DHRS3: variants seen among roughly 807,000 people sequenced by gnomAD.
DHRS3 encodes the protein short-chain dehydrogenase/reductase 3.
DHRS3 carries 14 observed loss-of-function variants against 27.2 expected under a neutral mutation model. The observed-to-expected ratio is 0.52, with a 90% CI of 0.34 to 0.81. The LOEUF is 0.81. DHRS3 is among the 30% of genes least tolerant of loss of function. The pLI is 0.01. For missense variants in DHRS3, 322 were observed against 406.2 expected (o/e 0.79, Z 1.78); for synonymous variants, 165 against 175.9 (o/e 0.94, Z 0.49).
At position 12,617,435 on chromosome 1, in the gene DHRS3, A is replaced by G; in HGVS notation, c.-87T>C. 7.0e-7 allele frequency: 1 copy of G among 1,433,290 alleles called. No individual in the cohort carries two copies. Among genetic ancestry groups the G allele is most frequent in the Non-Finnish European group, 9.4e-7 (1 of 1,062,920 alleles). The allele number at this position is 1,433,290 out of a possible 1,614,324, so 88.8% of individuals were successfully genotyped here. Reference sequence around the variant, plus strand: ...AAAAACACCCCGAACAATAAATAGTAAACCGAATAAGGAGGAGAGAGGCGT... The same window carrying G: ...AAAAACACCCCGAACAATAAATAGTGAACCGAATAAGGAGGAGAGAGGCGT... On this transcript the variant is annotated 5_prime_UTR_variant, in exon 1 of 6. Coordinates refer to ENST00000616661, the MANE Select transcript of DHRS3 (RefSeq NM_004753.7).
intron 5 of DHRS3, 40 bp from the exon 6 acceptor site, chr1:12,568,464 G>T (rs1050620615): frequency 3.8e-6 from 6 of 1,598,858 alleles, no homozygotes; most frequent in Non-Finnish European, 5.1e-6. Context: ...GATGGTTAGT[G>T]GGGCAGGATC....
At position 12,589,840 on chromosome 1, in the gene DHRS3, C is replaced by CATTATTATTATT. The variant is rs150189606; in HGVS notation, c.196-9186_196-9175dup. On this transcript the variant is annotated intron_variant, in intron 1 of 5. Coordinates refer to ENST00000616661, the MANE Select transcript of DHRS3 (RefSeq NM_004753.7). The stretch of plus-strand genomic sequence containing the variant: ...CTCTGTTTTGTAAAAAGCTAGCTGT[C>CATTATTATTATT]ATTATTATTATTATTATTATTATTA... Among the ~76,000 whole-genome samples the CATTATTATTATT allele has an allele frequency of 2.6e-4, 39 of 149,250 alleles. No individual in the cohort carries two copies. In the South Asian group the frequency reaches 2.8e-3, roughly 11 times the overall value.
In DHRS3 at chr1:12,591,845, A is replaced by C. The variant is rs530869469; in HGVS notation, c.196-11179T>G. ...TGCACAGGTACAGTGAGCTGATGCCATGTCCAAGGACTGGACAGAAAGGTG... is the reference window on the plus strand; with the variant it reads ...TGCACAGGTACAGTGAGCTGATGCCCTGTCCAAGGACTGGACAGAAAGGTG... On this transcript the variant is annotated intron_variant, in intron 1 of 5. Coordinates refer to ENST00000616661, the MANE Select transcript of DHRS3 (RefSeq NM_004753.7). This position sits in a 1 kb window ranked among gnomAD's most constrained non-coding sequence, Gnocchi z 4.1. Among the ~76,000 whole-genome samples, 1 of 152,328 alleles carries C rather than the reference A, an allele frequency of 6.6e-6. No homozygotes were observed. The highest frequency in any genetic ancestry group is 1.5e-5 in the Non-Finnish European group (1 of 68,026).
At chr1:12,589,284 AG>A (rs1280799361) in intron 1 of DHRS3, among the ~76,000 whole-genome samples, 4 of 152,172 alleles carry the variant, frequency 2.6e-5, no homozygotes, top group African/African-American at 9.7e-5. Context: ...TGGGCTCTGG[AG>A]CCAGACTGCC....
rs1207954344 is a variant in DHRS3 at position 12,608,695 on chromosome 1, T to C, written c.195+8459A>G. ...CCCCAGTGCAGAAATCTCGACACCA[T>C]GTTTGCTTAAAGAGCAACCTGTTCC... On this transcript the variant is annotated intron_variant, in intron 1 of 5. Transcript: ENST00000616661. The surrounding 1 kb of genome is among the most constrained non-coding windows in gnomAD (Gnocchi z 4.1). Among the ~76,000 whole-genome samples the C allele has an allele frequency of 6.6e-6, 1 of 152,160 alleles. No individual in the cohort carries two copies. Among genetic ancestry groups the C allele is most frequent in the African/African-American group, 2.4e-5 (1 of 41,448 alleles).
At chr1:12,602,551 G>A (rs1646842622) in intron 1 of DHRS3, among the ~76,000 whole-genome samples, 1 of 152,234 alleles carries the variant, frequency 6.6e-6, no homozygotes, top group South Asian at 2.1e-4. Flanking sequence ...GTCCTGCTGA[G>A]CATCTGCTCT....
chr1:12,584,157 A>G (rs1326899906), intron 1 of DHRS3, among the ~76,000 whole-genome samples: 1 of 151,936 alleles, frequency 6.6e-6, no homozygotes, highest in Admixed American at 6.6e-5. Context: ...GGGCCCTAAG[A>G]ATTGCTGGGC....
chr1:12,599,752 C>T (rs1160688228), intron 1 of DHRS3, among the ~76,000 whole-genome samples: 1 of 152,242 alleles, frequency 6.6e-6, no homozygotes, highest in East Asian at 1.9e-4. Context: ...TCAGCTTAGA[C>T]CCCAGTCCTA....
intron 4 of DHRS3, among the ~76,000 whole-genome samples, chr1:12,573,177 C>T (rs1646554727): frequency 6.6e-6 from 1 of 152,016 alleles, no homozygotes; most frequent in Admixed American, 6.5e-5. Context: ...GGTTGTCCTT[C>T]TGAGTCCTTT....
chr1:12,570,292 C>T (rs1005905841), intron 5 of DHRS3, among the ~76,000 whole-genome samples: 14 of 152,184 alleles, frequency 9.2e-5, no homozygotes, highest in African/African-American at 3.4e-4. Flanking sequence ...TGGTGTAGTC[C>T]CCACCCGTTT....
At chr1:12,616,942 G>C in intron 1 of DHRS3, 1 of 873,504 alleles carries the variant, frequency 1.1e-6, no homozygotes. Flanking sequence ...GATCCCAAAG[G>C]AGCGGATCAA....
At chr1:12,600,298 T>A (rs1646826639) in intron 1 of DHRS3, 1 of 967,362 alleles carries the variant, frequency 1.0e-6, no homozygotes, top group Non-Finnish European at 1.2e-6. Flanking sequence ...AGCCAAGGCA[T>A]GGATCTGCTG....
At chr1:12,585,996 T>G (rs1445933259) in intron 1 of DHRS3, among the ~76,000 whole-genome samples, 5 of 150,374 alleles carry the variant, frequency 3.3e-5, no homozygotes, top group Non-Finnish European at 4.4e-5. Context: ...GCTCAACACC[T>G]CCAAGGCCTC....
At chr1:12,589,550 A>G (rs1486091694) in intron 1 of DHRS3, among the ~76,000 whole-genome samples, 1 of 151,968 alleles carries the variant, frequency 6.6e-6, no homozygotes, top group Non-Finnish European at 1.5e-5. Flanking sequence ...CACCACACCC[A>G]GCTAATTTTT....
At chr1:12,606,345 A>C (rs1045182219) in intron 1 of DHRS3, among the ~76,000 whole-genome samples, 1 of 150,530 alleles carries the variant, frequency 6.6e-6, no homozygotes, top group Non-Finnish European at 1.5e-5. Context: ...TACCATAGAC[A>C]TCTCCATTGG....
intron 1 of DHRS3, among the ~76,000 whole-genome samples, chr1:12,610,008 G>T (rs188281907): frequency 2.6e-5 from 4 of 151,992 alleles, no homozygotes; most frequent in African/African-American, 9.7e-5. Flanking sequence ...TCAGGCCCTC[G>T]CATTCCCATC....
Position 12,612,270 on chromosome 1 carries a change from T to A in DHRS3, c.195+4884A>T, listed in dbSNP as rs186073245. Among the ~76,000 whole-genome samples, 278 of 152,318 alleles carry A rather than the reference T, an allele frequency of 1.8e-3. 4 individuals carry two copies. The highest frequency in any genetic ancestry group is 0.017 in the Admixed American group (257 of 15,304). ...AGTGCAGCTGTTTTGGCCTGATGAC[T>A]CTAGGGACCCACAGATGACCTGTCT... is the stretch of plus-strand genomic sequence containing the variant. On this transcript the variant is annotated intron_variant, in intron 1 of 5. Transcript: ENST00000616661.
intron 1 of DHRS3, among the ~76,000 whole-genome samples, chr1:12,610,017 T>A (rs996671288): frequency 1.3e-5 from 2 of 152,194 alleles, no homozygotes; most frequent in Non-Finnish European, 2.9e-5. Flanking sequence ...CGCATTCCCA[T>A]CCTTCTTGCC....
intron 1 of DHRS3, among the ~76,000 whole-genome samples, chr1:12,605,191 C>T (rs777736123): frequency 1.9e-4 from 29 of 151,926 alleles, no homozygotes; most frequent in Middle Eastern, 6.9e-3. Flanking sequence ...TTGTCACAGT[C>T]ATGTACAGTG....
Sources: gnomAD v4.1 joint callset for allele counts (sites outside exome capture counted in the v4.1 genomes callset) on GRCh38, gnomAD v4.1.1 for gene constraint, Gnocchi (gnomAD v3.1) non-coding constraint, MANE v1.5 for transcripts, NCBI Gene and HGNC (gene_info 2026-07-23, HGNC 2026-07-21) for gene names.